Variants in PRKCE observed in about 807,000 individuals in gnomAD.
The protein encoded by PRKCE is protein kinase C epsilon.
PRKCE carries 16 observed loss-of-function variants against 85.4 expected under a neutral mutation model. The ratio of observed to expected loss-of-function variants is 0.19; its 90% CI spans 0.13 to 0.28. The LOEUF (loss-of-function observed/expected upper bound fraction) is 0.28. Among genes scored for constraint, PRKCE ranks in the 10% least tolerant of loss-of-function variants. The pLI is 1.00. For synonymous variants in PRKCE, 388 were observed against 371.5 expected, an observed-to-expected ratio of 1.04 and a Z score of -0.51; for missense variants, 573 against 975.2, an observed-to-expected ratio of 0.59 and a Z score of 5.49.
intron 10 of PRKCE, among the ~76,000 whole-genome samples, chr2:46,034,667 A>T (rs180943281): frequency 3.2e-4 from 49 of 152,270 alleles, no homozygotes; most frequent in African/African-American, 1.2e-3. Context: ...AGGAGAGGCA[A>T]CCTAGCATGC....
Position 46,004,404 on chromosome 2 carries a change from A to G in PRKCE, c.967-138A>G, listed in dbSNP as rs114166978. The G allele has an allele frequency of 3.8e-3, 2,784 of 733,276 alleles. 23 individuals are homozygous for G. Among genetic ancestry groups the G allele is most frequent in the South Asian group, 0.019 (1,140 of 58,476 alleles). The allele number at this position is 733,276 out of a possible 1,614,324, so 45.4% of individuals were successfully genotyped here. ...TTTTGGCTACTTTGGCGATGGCTGC[A>G]AGAGGACAGAGATCTACTGAATTCC... On this transcript the variant is annotated intron_variant, in intron 7 of 14. Transcript: ENST00000306156. The surrounding 1 kb of genome is among the most constrained non-coding windows in gnomAD (Gnocchi z 4.1).
intron 11 of PRKCE, among the ~76,000 whole-genome samples, chr2:46,117,863 C>G (rs559117445): frequency 6.6e-6 from 1 of 152,224 alleles, no homozygotes; most frequent in South Asian, 2.1e-4. Context: ...AGGGTTGTTG[C>G]TAAGGATGTC....
At chr2:45,865,895 G>T (rs1693565442) in intron 2 of PRKCE, among the ~76,000 whole-genome samples, 2 of 144,796 alleles carry the variant, frequency 1.4e-5, no homozygotes, top group Admixed American at 7.2e-5. Context: ...AAAATTCACT[G>T]CAGCCTCAAC....
chr2:46,163,962 C>G (rs1447388675), intron 14 of PRKCE, among the ~76,000 whole-genome samples: 4 of 151,904 alleles, frequency 2.6e-5, no homozygotes, highest in Admixed American at 2.0e-4. Context: ...CACTGAGAGA[C>G]ACGGGGAAGC....
At chr2:45,731,081 C>A (rs1477274978) in intron 1 of PRKCE, among the ~76,000 whole-genome samples, 1 of 152,084 alleles carries the variant, frequency 6.6e-6, no homozygotes, top group East Asian at 1.9e-4. Flanking sequence ...AGGGAGAACT[C>A]TCAGGCAGAA....
chr2:46,125,427 G>T (rs1673754453), intron 11 of PRKCE, among the ~76,000 whole-genome samples: 1 of 152,208 alleles, frequency 6.6e-6, no homozygotes, highest in African/African-American at 2.4e-5. Context: ...GTTTGAATTT[G>T]TGGGAGTCAA....
chr2:46,096,500 A>T (rs192553810), intron 11 of PRKCE, among the ~76,000 whole-genome samples: 158 of 152,312 alleles, frequency 1.0e-3, no homozygotes, highest in African/African-American at 3.7e-3. Flanking sequence ...AAATGAGGTC[A>T]TTGGGTGACC....
chr2:45,694,871 A>T (rs1678015378), intron 1 of PRKCE, among the ~76,000 whole-genome samples: 1 of 152,194 alleles, frequency 6.6e-6, no homozygotes, highest in South Asian at 2.1e-4. Flanking sequence ...CAGGCTGAGT[A>T]GTGTGGGCTT....
At chr2:46,010,314 A>C (rs548219962) in intron 9 of PRKCE, 30 bp from the exon 10 acceptor site, 4 of 1,569,022 alleles carry the variant, frequency 2.5e-6, no homozygotes, top group Non-Finnish European at 2.6e-6. Context: ...ATACATGCAT[A>C]GATTGATGGA....
intron 1 of PRKCE, among the ~76,000 whole-genome samples, chr2:45,715,425 G>A (rs1680005333): frequency 1.3e-5 from 2 of 152,230 alleles, no homozygotes; most frequent in South Asian, 2.1e-4. Context: ...GGAACTCAGA[G>A]TCCTTAAAGA....
In PRKCE at chr2:45,895,430, G is replaced by A. The variant is rs540908149; in HGVS notation, c.412+52367G>A. On this transcript the variant is annotated intron_variant, in intron 2 of 14. Transcript: ENST00000306156. The surrounding 1 kb of genome is among the most constrained non-coding windows in gnomAD (Gnocchi z 4.8). ...CCTAACTGCCTCTCCGCACCCTGATGTCATCTGGCTGGTCCCTGGATGGTG... is the reference window on the plus strand; with the variant it reads ...CCTAACTGCCTCTCCGCACCCTGATATCATCTGGCTGGTCCCTGGATGGTG... Among the ~76,000 whole-genome samples, 28 of 152,290 alleles carry A rather than the reference G, an allele frequency of 1.8e-4. No individual in the cohort carries two copies. Among genetic ancestry groups the A allele is most frequent in the Non-Finnish European group, 3.7e-4 (25 of 68,014 alleles).
chr2:45,862,326 C>T (rs985587806), intron 2 of PRKCE, among the ~76,000 whole-genome samples: 5 of 152,280 alleles, frequency 3.3e-5, no homozygotes, highest in Non-Finnish European at 7.3e-5. Flanking sequence ...CCTCCTCATC[C>T]GTCCAGGTCT....
chr2:45,805,983 G>C (rs7591313), intron 1 of PRKCE, among the ~76,000 whole-genome samples: 24 of 151,954 alleles, frequency 1.6e-4, no homozygotes, highest in Non-Finnish European at 3.4e-4. Flanking sequence ...GCTTGCCCAA[G>C]GTCTCACAGC....
chr2:45,808,671 C>T (rs906750313), intron 1 of PRKCE, among the ~76,000 whole-genome samples: 2 of 152,106 alleles, frequency 1.3e-5, no homozygotes, highest in Non-Finnish European at 2.9e-5. Context: ...TGCACGTGAC[C>T]CTGCTGAGCT....
chr2:45,672,827 C>A (rs1372529763), intron 1 of PRKCE, among the ~76,000 whole-genome samples: 1 of 152,098 alleles, frequency 6.6e-6, no homozygotes, highest in East Asian at 1.9e-4. Context: ...GAGTTTGAGA[C>A]CAGCCTGGGC....
At chr2:45,736,162 T>C (rs773826509) in intron 1 of PRKCE, among the ~76,000 whole-genome samples, 5 of 152,148 alleles carry the variant, frequency 3.3e-5, no homozygotes, top group Non-Finnish European at 5.9e-5. Flanking sequence ...GTTTTCACCA[T>C]GTTGGCTGGG....
chr2:46,172,777 G>A (rs939102457), intron 14 of PRKCE, among the ~76,000 whole-genome samples: 12 of 152,182 alleles, frequency 7.9e-5, no homozygotes, highest in African/African-American at 2.9e-4. Context: ...CCCTGTGCTG[G>A]GGACCCTTGT....
intron 1 of PRKCE, among the ~76,000 whole-genome samples, chr2:45,696,972 T>A (rs1276005748): frequency 7.9e-5 from 12 of 152,158 alleles, no homozygotes; most frequent in Admixed American, 3.3e-4. Flanking sequence ...CACTTCCTTT[T>A]TATTCCAGGT....
At chr2:46,018,786 T>G (rs1417679389) in intron 10 of PRKCE, among the ~76,000 whole-genome samples, 1 of 152,250 alleles carries the variant, frequency 6.6e-6, no homozygotes, top group East Asian at 1.9e-4. Flanking sequence ...CTTAGTAATA[T>G]AGTAGAGCTA....
Sources: gnomAD v4.1 joint callset for allele counts (sites outside exome capture counted in the v4.1 genomes callset) on GRCh38, gnomAD v4.1.1 for gene constraint, Gnocchi (gnomAD v3.1) non-coding constraint, MANE v1.5 for transcripts, NCBI Gene and HGNC (gene_info 2026-07-23, HGNC 2026-07-21) for gene names.